Variants in TRPC4 observed in about 807,000 individuals in gnomAD.
The protein encoded by TRPC4 is short transient receptor potential channel 4.
Under a neutral mutation model 99.4 loss-of-function variants are expected in TRPC4, and 49 were observed. That is an observed-to-expected ratio of 0.49 (90% CI 0.39 to 0.63). The LOEUF (loss-of-function observed/expected upper bound fraction) is 0.63. Among genes scored for constraint, TRPC4 ranks in the 20% least tolerant of loss-of-function variants. The pLI, the probability that TRPC4 is intolerant of heterozygous loss-of-function variation, is 0.00. For synonymous variants in TRPC4, 454 were observed against 425.9 expected, an observed-to-expected ratio of 1.07 and a Z score of -0.81; for missense variants, 898 against 1,152.9, an observed-to-expected ratio of 0.78 and a Z score of 3.20.
intron 4 of TRPC4, among the ~76,000 whole-genome samples, chr13:37,687,358 T>C (rs1218299981): frequency 1.3e-5 from 2 of 152,218 alleles, no homozygotes; most frequent in African/African-American, 4.8e-5. Flanking sequence ...TTTACAGATG[T>C]CCATACTTTT....
chr13:37,722,467 G>A (rs915231758), intron 3 of TRPC4, among the ~76,000 whole-genome samples: 1 of 152,310 alleles, frequency 6.6e-6, no homozygotes, highest in African/African-American at 2.4e-5. Context: ...CATCCCTTAT[G>A]AGGTATTTGA....
chr13:37,717,350 A>G (rs1235163331), intron 3 of TRPC4, among the ~76,000 whole-genome samples: 1 of 152,182 alleles, frequency 6.6e-6, no homozygotes, highest in Non-Finnish European at 1.5e-5. Flanking sequence ...GCTACTTAAT[A>G]GTAGGAAGAG....
At chr13:37,740,490 T>C (rs1012994993) in intron 3 of TRPC4, among the ~76,000 whole-genome samples, 2 of 152,184 alleles carry the variant, frequency 1.3e-5, no homozygotes, top group Non-Finnish European at 2.9e-5. Context: ...GGCCATGATA[T>C]ACAGACAAGT....
intron 1 of TRPC4, among the ~76,000 whole-genome samples, chr13:37,844,636 C>T (rs910586451): frequency 6.6e-6 from 1 of 152,112 alleles, no homozygotes; most frequent in African/African-American, 2.4e-5. Context: ...GCCAGCTTTT[C>T]CACCCAGCCC....
chr13:37,848,807 G>C (rs1958980102), intron 1 of TRPC4, among the ~76,000 whole-genome samples: 1 of 152,142 alleles, frequency 6.6e-6, no homozygotes, highest in African/African-American at 2.4e-5. Context: ...AAGGTATGTG[G>C]GGAGTAAAGA....
intron 4 of TRPC4, among the ~76,000 whole-genome samples, chr13:37,675,639 C>G (rs766992682): frequency 2.6e-5 from 4 of 152,158 alleles, no homozygotes; most frequent in South Asian, 2.1e-4. Context: ...GTGGAAGAGA[C>G]AGAAAGCACT....
intron 1 of TRPC4, among the ~76,000 whole-genome samples, chr13:37,843,597 C>T (rs977614951): frequency 6.6e-6 from 1 of 152,038 alleles, no homozygotes. Context: ...AATATATCAA[C>T]TGCTTAATGG....
intron 1 of TRPC4, among the ~76,000 whole-genome samples, chr13:37,836,557 C>G (rs1360451312): frequency 6.6e-6 from 1 of 152,142 alleles, no homozygotes; most frequent in Non-Finnish European, 1.5e-5. Flanking sequence ...AGACTGGTGG[C>G]ATTTAGCCCC....
chr13:37,826,156 C>T (rs2139565720), intron 1 of TRPC4, among the ~76,000 whole-genome samples: 1 of 117,248 alleles, frequency 8.5e-6, no homozygotes, highest in South Asian at 3.0e-4. Flanking sequence ...TTATTTTGAG[C>T]CTATGTGTGT....
chr13:37,787,202 TCC>T (rs1432695786), intron 1 of TRPC4, among the ~76,000 whole-genome samples: 6 of 151,956 alleles, frequency 3.9e-5, no homozygotes, highest in Non-Finnish European at 8.8e-5. Context: ...GAAATGAATT[TCC>T]CTGAACAACA....
Position 37,849,436 on chromosome 13 carries a change from G to C in TRPC4, c.-28+20159C>G, listed in dbSNP as rs114851105. On this transcript the variant is annotated intron_variant, in intron 1 of 10. Coordinates refer to ENST00000379705, the MANE Select transcript of TRPC4 (RefSeq NM_016179.4). The stretch of plus-strand genomic sequence containing the variant: ...TCCTTCCCATGGTGGTAGATGTAGT[G>C]TTGAGGAACAAAGTCAAAACCAAGT... 2.6e-5 allele frequency among the ~76,000 whole-genome samples: 4 copies of C among 152,130 alleles called. No homozygotes were observed. The South Asian group carries it at 8.3e-4, about 31-fold the overall frequency.
chr13:37,674,491 A>C (rs752994139), intron 4 of TRPC4, 124 bp from the exon 5 acceptor site: 7 of 1,048,108 alleles, frequency 6.7e-6, no homozygotes, highest in Non-Finnish European at 9.5e-6. Context: ...TAAATGCAAC[A>C]TCTATTTTTT....
At position 37,825,255 on chromosome 13, in the gene TRPC4, T is replaced by A. The variant is rs1002865118; in HGVS notation, c.-27-41895A>T. ...GATTCATTAATTTTTTGAAGGGTTT[T>A]TTGTGTCTCTATTTCCTTCAGGTCT... On this transcript the variant is annotated intron_variant, in intron 1 of 10. Coordinates refer to ENST00000379705, the MANE Select transcript of TRPC4 (RefSeq NM_016179.4). Among the ~76,000 whole-genome samples, 7 of 152,134 alleles carry A rather than the reference T, an allele frequency of 4.6e-5. 1 individual carries two copies. Among genetic ancestry groups the A allele is most frequent in the African/African-American group, 1.7e-4 (7 of 41,526 alleles).
chr13:37,738,738 T>C lies in TRPC4; in HGVS notation c.897+7199A>G, dbSNP rs116638229. Among the ~76,000 whole-genome samples, 443 of 152,228 alleles carry C rather than the reference T, an allele frequency of 2.9e-3. 3 individuals carry two copies. The highest frequency in any genetic ancestry group is 0.01 in the African/African-American group (422 of 41,552). Reference sequence around the variant, plus strand: ...CCTAGAAGGGGAAATATTGCAACAATGTTATGAATGTTCCCACCTGGCTGA... The same window carrying C: ...CCTAGAAGGGGAAATATTGCAACAACGTTATGAATGTTCCCACCTGGCTGA... On this transcript the variant is annotated intron_variant, in intron 3 of 10. Transcript: ENST00000379705.
At chr13:37,802,134 A>G (rs535691159) in intron 1 of TRPC4, among the ~76,000 whole-genome samples, 191 of 152,258 alleles carry the variant, frequency 1.3e-3, no homozygotes, top group African/African-American at 4.4e-3. Context: ...AATGATTTCA[A>G]ACTTACAGAA....
chr13:37,816,484 A>G (rs1415020876), intron 1 of TRPC4, among the ~76,000 whole-genome samples: 1 of 151,966 alleles, frequency 6.6e-6, no homozygotes, highest in Admixed American at 6.6e-5. Context: ...TGCTGAAACT[A>G]TTCCAAATAT....
chr13:37,703,316 T>C (rs938680393), intron 3 of TRPC4, among the ~76,000 whole-genome samples: 8 of 152,148 alleles, frequency 5.3e-5, no homozygotes, highest in African/African-American at 1.9e-4. Context: ...TACCCATCTA[T>C]GTTTATTGTG....
chr13:37,834,047 G>C (rs928508241), intron 1 of TRPC4, among the ~76,000 whole-genome samples: 1 of 151,876 alleles, frequency 6.6e-6, no homozygotes, highest in Non-Finnish European at 1.5e-5. Flanking sequence ...TGCTATATTT[G>C]CATTTTTCAC....
intron 1 of TRPC4, among the ~76,000 whole-genome samples, chr13:37,830,001 G>A (rs1958368428): frequency 6.6e-6 from 1 of 152,168 alleles, no homozygotes; most frequent in South Asian, 2.1e-4. Flanking sequence ...AGTGCAGTGG[G>A]TAAGAATTGG....
Sources: gnomAD v4.1 joint callset for allele counts (sites outside exome capture counted in the v4.1 genomes callset) on GRCh38, gnomAD v4.1.1 for gene constraint, MANE v1.5 for transcripts, NCBI Gene and HGNC (gene_info 2026-07-23, HGNC 2026-07-21) for gene names.